Variants in WNT9B observed in about 807,000 individuals in gnomAD.
WNT9B encodes the protein Wnt family member 9B.
WNT9B carries 12 observed loss-of-function variants against 30.2 expected under a neutral mutation model. That is an observed-to-expected ratio of 0.40 (90% CI 0.26 to 0.64). The LOEUF is 0.64. Ranked by LOEUF, WNT9B falls within the 30% of genes least tolerant of loss-of-function variation. WNT9B has a pLI of 0.42. For missense variants in WNT9B, 442 were observed against 485.2 expected, an observed-to-expected ratio of 0.91 and a Z score of 0.84; for synonymous variants, 218 against 216.9, an observed-to-expected ratio of 1.01 and a Z score of -0.05.
At chr17:46,866,719 C>T (rs1403400801) in intron 1 of WNT9B, among the ~76,000 whole-genome samples, 4 of 152,102 alleles carry the variant, frequency 2.6e-5, no homozygotes, top group African/African-American at 9.7e-5. Flanking sequence ...CTCCTGGACC[C>T]TCCAGCTAAG....
chr17:46,866,421 C>T (rs370995810), intron 1 of WNT9B, among the ~76,000 whole-genome samples: 45 of 151,306 alleles, frequency 3.0e-4, no homozygotes, highest in African/African-American at 1.0e-3. Flanking sequence ...AGTGTATGTG[C>T]GAGTATAGGT....
In WNT9B at chr17:46,879,059, A is replaced by AT. The variant is rs2085388778; in HGVS notation, c.*2342dup. Reference sequence around the variant, plus strand: ...CCCTCATTCTACAGCTTTAAGGGAAATGCTCACAGGGTATTTTTGTCTACC... The same window carrying AT: ...CCCTCATTCTACAGCTTTAAGGGAAATTGCTCACAGGGTATTTTTGTCTACC... On this transcript the variant is annotated 3_prime_UTR_variant, in exon 4 of 4. Transcript: ENST00000290015. 1.3e-5 allele frequency among the ~76,000 whole-genome samples: 2 copies of AT among 152,212 alleles called. No individual in the cohort carries two copies. Among genetic ancestry groups the AT allele is most frequent in the African/African-American group, 4.8e-5 (2 of 41,454 alleles).
downstream of WNT9B, among the ~76,000 whole-genome samples, chr17:46,881,103 C>T (rs1420413746): frequency 6.6e-6 from 1 of 152,232 alleles, no homozygotes; most frequent in Non-Finnish European, 1.5e-5. Context: ...TCCTGGGGGT[C>T]TGATGGGAGA....
intron 1 of WNT9B, among the ~76,000 whole-genome samples, chr17:46,837,011 C>T (rs1049436083): frequency 2.0e-5 from 3 of 152,008 alleles, no homozygotes; most frequent in South Asian, 2.1e-4. Flanking sequence ...GGCGTGATCT[C>T]GGCTCACTGC....
At chr17:46,858,368 T>C (rs1000873226) in intron 1 of WNT9B, among the ~76,000 whole-genome samples, 1 of 152,242 alleles carries the variant, frequency 6.6e-6, no homozygotes, top group Non-Finnish European at 1.5e-5. Context: ...GTCCAGTGTA[T>C]CAACCTTTTC....
chr17:46,842,627 T>C (rs750586705), intron 1 of WNT9B, among the ~76,000 whole-genome samples: 4 of 152,184 alleles, frequency 2.6e-5, no homozygotes, highest in Admixed American at 2.0e-4. Flanking sequence ...CCCATCTCAG[T>C]CTCCCAAAGT....
upstream of WNT9B, among the ~76,000 whole-genome samples, chr17:46,849,950 C>T (rs1030488416): frequency 4.0e-5 from 6 of 151,654 alleles, no homozygotes; most frequent in African/African-American, 9.7e-5. Context: ...CAGGTTCAAG[C>T]GATTCTCTTG....
Position 46,876,432 on chromosome 17 carries a change from C to A in WNT9B, c.788C>A (p.Ala263Asp), listed in dbSNP as rs564435829. ...NEALGRLELW[A>D]PARQGSLTKG... is the part of the protein sequence containing the mutation. ...GCCTTGGGCCGCCTAGAGCTGTGGG[C>A]CCCTGCCAGGCAGGGCAGCCTCACC... Residue 263 changes from alanine to aspartate, a missense_variant, in exon 4 of 4, where the codon GCC (alanine) becomes GAC (aspartate). Transcript: ENST00000290015. The A allele has an allele frequency of 2.5e-6, 4 of 1,613,624 alleles. No homozygotes were observed. The African/African-American group carries it at 4.0e-5, about 16-fold the overall frequency.
In WNT9B at chr17:46,876,313, C is replaced by G. The variant is rs573299655; in HGVS notation, c.669C>G (p.Thr223=). Residue 223 remains threonine (T), a synonymous_variant, in exon 4 of 4, where the codon ACC becomes ACG. Coordinates refer to ENST00000290015, the MANE Select transcript of WNT9B (RefSeq NM_003396.3). The part of the protein sequence containing the change: ...HGVSGSCAVR[T]CWKQLSPFRE... ...TATCAGGCTCCTGTGCCGTGCGCAC[C>G]TGCTGGAAGCAGCTCTCCCCGTTCC... The G allele has an allele frequency of 6.2e-7, 1 of 1,614,200 alleles. No individual in the cohort carries two copies. Among genetic ancestry groups the G allele is most frequent in the East Asian group, 2.2e-5 (1 of 44,890 alleles).
intron 1 of WNT9B, among the ~76,000 whole-genome samples, chr17:46,839,017 A>G (rs1460580474): frequency 6.6e-6 from 1 of 152,092 alleles, no homozygotes; most frequent in Non-Finnish European, 1.5e-5. Context: ...AGCTGGGATT[A>G]CAGGCGCCCG....
chr17:46,843,635 C>T (rs1454015029), intron 1 of WNT9B, among the ~76,000 whole-genome samples: 3 of 152,182 alleles, frequency 2.0e-5, no homozygotes, highest in Admixed American at 6.5e-5. Context: ...GTTCTAATCC[C>T]GGTTCTAAGC....
At chr17:46,841,885 C>T (rs1249966385) in intron 1 of WNT9B, among the ~76,000 whole-genome samples, 5 of 152,234 alleles carry the variant, frequency 3.3e-5, no homozygotes, top group Non-Finnish European at 7.3e-5. Flanking sequence ...TTCTTGCGCT[C>T]CTCTGCGGTG....
chr17:46,851,438 C>T (rs1189158176), upstream of WNT9B: 2 of 307,132 alleles, frequency 6.5e-6, no homozygotes, highest in African/African-American at 4.4e-5. This position sits in a 1 kb window ranked among gnomAD's most constrained non-coding sequence, Gnocchi z 4.3. Context: ...CTGCCCCACC[C>T]GCGACGGGGC....
intron 1 of WNT9B, among the ~76,000 whole-genome samples, chr17:46,855,616 C>T (rs78421212): frequency 6.6e-6 from 1 of 152,206 alleles, no homozygotes; most frequent in Non-Finnish European, 1.5e-5. Flanking sequence ...CAAATGTTAA[C>T]TTCTGTGATG....
At chr17:46,870,345 G>T (rs1002753690) in intron 1 of WNT9B, among the ~76,000 whole-genome samples, 1 of 152,190 alleles carries the variant, frequency 6.6e-6, no homozygotes, top group African/African-American at 2.4e-5. Context: ...AGCTGGAGTT[G>T]ACATCCAGTT....
At chr17:46,838,157 G>A (rs963825334) in intron 1 of WNT9B, among the ~76,000 whole-genome samples, 6 of 152,042 alleles carry the variant, frequency 3.9e-5, no homozygotes, top group African/African-American at 1.2e-4. Context: ...TGTGTCACTG[G>A]CCCTACTGTT....
At chr17:46,851,349 G>T (rs1043844399), upstream of WNT9B, among the ~76,000 whole-genome samples, 2 of 151,642 alleles carry the variant, frequency 1.3e-5, no homozygotes, top group African/African-American at 2.4e-5. This position sits in a 1 kb window ranked among gnomAD's most constrained non-coding sequence, Gnocchi z 4.3. Flanking sequence ...GACCCCGGGC[G>T]GGCGCGGCGC....
At chr17:46,869,411 C>T (rs375013007) in intron 1 of WNT9B, among the ~76,000 whole-genome samples, 2 of 152,208 alleles carry the variant, frequency 1.3e-5, no homozygotes, top group Admixed American at 6.5e-5. Flanking sequence ...CTGGGCATCG[C>T]GGACATTGTG....
chr17:46,875,001 C>T (rs752578706), intron 2 of WNT9B, 100 bp from the exon 3 acceptor site: 2 of 1,586,054 alleles, frequency 1.3e-6, no homozygotes, highest in East Asian at 4.5e-5. Flanking sequence ...GCTGCCACCA[C>T]CGCCTCTGGC....
Sources: allele counts gnomAD v4.1 joint callset (sites outside exome capture counted in the v4.1 genomes callset), GRCh38; gene constraint gnomAD v4.1.1; non-coding constraint Gnocchi (gnomAD v3.1); transcripts MANE v1.5; gene names NCBI Gene and HGNC (gene_info 2026-07-23, HGNC 2026-07-21).